The following AKAIN1 variants were observed in gnomAD, a reference collection of about 807,000 sequenced individuals.
AKAIN1 encodes the protein A-kinase anchor inhibitor 1.
Under a neutral mutation model 3.7 loss-of-function variants are expected in AKAIN1, and 3 were observed. The observed-to-expected ratio is 0.82, with a 90% confidence interval of 0.37 to 2.12. The LOEUF (loss-of-function observed/expected upper bound fraction) is 2.12, where lower values mean the gene tolerates loss of function less well. Ranked by LOEUF, AKAIN1 falls within the 30% of genes most tolerant of loss-of-function variation. The probability of loss-of-function intolerance (pLI) is 0.06; values close to 1 mark genes in which losing one functional copy is unlikely to be tolerated. For missense variants in AKAIN1, 82 were observed against 82.7 expected (o/e 0.99, Z 0.03); for synonymous variants, 31 against 30.8 (o/e 1.01, Z -0.02).
chr18:5,177,760 A>G (rs1022137773), intron 1 of AKAIN1, among the ~76,000 whole-genome samples: 2 of 152,128 alleles, frequency 1.3e-5, no homozygotes, highest in Admixed American at 6.6e-5. Context: ...CTAACTTGAT[A>G]ATATACTTAC....
At chr18:5,192,679 T>C (rs918477865) in intron 1 of AKAIN1, among the ~76,000 whole-genome samples, 1 of 151,920 alleles carries the variant, frequency 6.6e-6, no homozygotes, top group African/African-American at 2.4e-5. Context: ...CGGTATGGGG[T>C]TGAAGCACTC....
chr18:5,189,956 T>C (rs2071309909), intron 1 of AKAIN1, among the ~76,000 whole-genome samples: 1 of 152,208 alleles, frequency 6.6e-6, no homozygotes, highest in Admixed American at 6.5e-5. Context: ...CATTTGGTGT[T>C]GCCATACCAA....
Position 5,145,510 on chromosome 18 carries a change from AC to A in AKAIN1, c.*51del. 6.8e-7 allele frequency: 1 copy of A among 1,473,538 alleles called. No homozygotes were observed. Among genetic ancestry groups the A allele is most frequent in the Non-Finnish European group, 9.2e-7 (1 of 1,083,852 alleles). The allele number at this position is 1,473,538 out of a possible 1,614,324, so 91.3% of individuals were successfully genotyped here. ...GCAACATTTTGGAGATGCGTCCTAT[AC>A]TAAGAGGAAGGCTAGAAACCAAGCA... is the stretch of plus-strand genomic sequence containing the variant. On this transcript the variant is annotated 3_prime_UTR_variant, in exon 2 of 2. Coordinates refer to ENST00000434239, the MANE Select transcript of AKAIN1 (RefSeq NM_001145194.2).
intron 1 of AKAIN1, among the ~76,000 whole-genome samples, chr18:5,179,939 C>T (rs925688983): frequency 6.6e-6 from 1 of 152,166 alleles, no homozygotes; most frequent in Non-Finnish European, 1.5e-5. Context: ...GTCCCCATCC[C>T]ACACTCCAGC....
At chr18:5,184,812 T>C (rs980558250) in intron 1 of AKAIN1, among the ~76,000 whole-genome samples, 3 of 152,054 alleles carry the variant, frequency 2.0e-5, no homozygotes, top group Non-Finnish European at 4.4e-5. Context: ...AAACTACCAA[T>C]GACATTCTTC....
chr18:5,149,945 C>A (rs985617713), intron 1 of AKAIN1, among the ~76,000 whole-genome samples: 1 of 152,068 alleles, frequency 6.6e-6, no homozygotes, highest in Non-Finnish European at 1.5e-5. Context: ...CTCCCAAGTA[C>A]CTGGGACTAC....
chr18:5,196,972 T>C (rs1238314283), intron 1 of AKAIN1, 66 bp downstream of exon 1: 3 of 1,400,994 alleles, frequency 2.1e-6, no homozygotes, highest in Non-Finnish European at 3.0e-6. Context: ...CTTTTTTCCC[T>C]CTCCTCTCCG....
At chr18:5,194,489 CT>C (rs2071337437) in intron 1 of AKAIN1, among the ~76,000 whole-genome samples, 1 of 152,158 alleles carries the variant, frequency 6.6e-6, no homozygotes, top group Admixed American at 6.5e-5. Flanking sequence ...TTAATAAAGT[CT>C]CATTCTAATT....
At chr18:5,181,678 T>C (rs1023834959) in intron 1 of AKAIN1, among the ~76,000 whole-genome samples, 2 of 152,160 alleles carry the variant, frequency 1.3e-5, no homozygotes, top group African/African-American at 4.8e-5. Context: ...CAAAGTCACA[T>C]AGCAAGTCAC....
Position 5,197,097 on chromosome 18 carries a change from A to G in AKAIN1, c.-44T>C, listed in dbSNP as rs762569790. On this transcript the variant is annotated 5_prime_UTR_variant, in exon 1 of 2. Coordinates refer to ENST00000434239, the MANE Select transcript of AKAIN1 (RefSeq NM_001145194.2). This position sits in a 1 kb window ranked among gnomAD's most constrained non-coding sequence, Gnocchi z 6.9. ...CGCCCCCAGATTAAGAGAGAAAGAC[A>G]GGCAGACGGAGGATGGGAAGAAGGC... 5.2e-6 allele frequency: 8 copies of G among 1,550,750 alleles called. No homozygotes were observed. The South Asian group carries it at 9.5e-5, about 18-fold the overall frequency.
chr18:5,175,844 G>A (rs949355660), intron 1 of AKAIN1, among the ~76,000 whole-genome samples: 1 of 151,792 alleles, frequency 6.6e-6, no homozygotes, highest in African/African-American at 2.4e-5. Context: ...AACATGAAGC[G>A]GCAATTTCAA....
intron 1 of AKAIN1, among the ~76,000 whole-genome samples, chr18:5,174,874 CAG>C (rs2071217569): frequency 6.6e-6 from 1 of 152,120 alleles, no homozygotes; most frequent in Admixed American, 6.5e-5. Context: ...AGATTCCCTG[CAG>C]AGACAGAATA....
rs368648163 is a variant in AKAIN1 at position 5,160,626 on chromosome 18, C to G, written c.17-14871G>C. Among the ~76,000 whole-genome samples the G allele has an allele frequency of 4.3e-4, 66 of 152,196 alleles. No individual in the cohort carries two copies. The South Asian group carries it at 0.013, about 29-fold the overall frequency. ...TAATAATTTGTTGTGGTCTTCAGCT[C>G]TCTGTCCTGAGATCATGAAGTTGTT... On this transcript the variant is annotated intron_variant, in intron 1 of 1. Transcript: ENST00000434239.
In AKAIN1 at chr18:5,185,008, A is replaced by G. The variant is rs547770832; in HGVS notation, c.16+12030T>C. 2.6e-5 allele frequency among the ~76,000 whole-genome samples: 4 copies of G among 152,226 alleles called. No individual in the cohort carries two copies. The South Asian group carries it at 8.3e-4, about 32-fold the overall frequency. On this transcript the variant is annotated intron_variant, in intron 1 of 1. Coordinates refer to ENST00000434239, the MANE Select transcript of AKAIN1 (RefSeq NM_001145194.2). ...GGTACCAAAACAGACACATAAACCA[A>G]TGGAACAGAATAGAGAGCCCAGAAA... is the stretch of plus-strand genomic sequence containing the variant.
At chr18:5,150,164 G>A (rs1539934) in intron 1 of AKAIN1, among the ~76,000 whole-genome samples, 24,187 of 152,196 alleles carry the variant, frequency 0.16, 2,035 homozygotes, top group Non-Finnish European at 0.16. Flanking sequence ...TCTCTGTGCG[G>A]CATCACACTC....
chr18:5,152,039 G>C (rs2071082690), intron 1 of AKAIN1, among the ~76,000 whole-genome samples: 2 of 152,188 alleles, frequency 1.3e-5, no homozygotes, highest in South Asian at 4.1e-4. Context: ...ATAATTGGGA[G>C]CTATGTCATG....
Position 5,185,436 on chromosome 18 carries a change from C to T in AKAIN1, c.16+11602G>A, listed in dbSNP as rs143418721. ...CTACAAAATGGTAGAAAAATATTTA[C>T]GAACTATGCATCCAACAAAGGTCTA... On this transcript the variant is annotated intron_variant, in intron 1 of 1. Transcript: ENST00000434239. Among the ~76,000 whole-genome samples the T allele has an allele frequency of 1.4e-3, 208 of 152,162 alleles. 1 individual carries two copies. The highest frequency in any genetic ancestry group is 0.01 in the Middle Eastern group (3 of 294).
intron 1 of AKAIN1, among the ~76,000 whole-genome samples, chr18:5,151,849 C>A (rs1415236665): frequency 6.6e-6 from 1 of 152,132 alleles, no homozygotes; most frequent in African/African-American, 2.4e-5. Flanking sequence ...AGCCACTAGG[C>A]CAAAATGTTT....
At chr18:5,169,717 T>TG (rs1273352044) in intron 1 of AKAIN1, among the ~76,000 whole-genome samples, 1 of 152,186 alleles carries the variant, frequency 6.6e-6, no homozygotes, top group South Asian at 2.1e-4. Flanking sequence ...CCAGTTTACA[T>TG]GGATTTTAGA....
Sources: gnomAD v4.1 joint callset for allele counts (sites outside exome capture counted in the v4.1 genomes callset) on GRCh38, gnomAD v4.1.1 for gene constraint, Gnocchi (gnomAD v3.1) non-coding constraint, MANE v1.5 for transcripts, NCBI Gene and HGNC (gene_info 2026-07-23, HGNC 2026-07-21) for gene names.